Variants in ZBTB44 observed in about 807,000 individuals in gnomAD.
The protein encoded by ZBTB44 is zinc finger and BTB domain containing 44.
A neutral mutation model predicts 54.0 loss-of-function variants in ZBTB44; 15 were observed. That is an observed-to-expected ratio of 0.28 (90% CI 0.19 to 0.43). ZBTB44 has a LOEUF of 0.43. Among genes scored for constraint, ZBTB44 ranks in the 20% least tolerant of loss-of-function variants. The pLI is 1.00. For missense variants in ZBTB44, 487 were observed against 707.1 expected (o/e 0.69, Z 3.53); for synonymous variants, 230 against 250.1 (o/e 0.92, Z 0.76).
intron 1 of ZBTB44, among the ~76,000 whole-genome samples, chr11:130,275,987 G>A (rs1370792103): frequency 6.6e-6 from 1 of 151,002 alleles, no homozygotes; most frequent in Non-Finnish European, 1.5e-5. Flanking sequence ...AGCACTTTGG[G>A]AGGCCAAAGC....
intron 1 of ZBTB44, among the ~76,000 whole-genome samples, chr11:130,263,781 C>T (rs955036669): frequency 1.2e-4 from 18 of 152,130 alleles, no homozygotes. Context: ...AGGATTTTTG[C>T]TGAGAGTAAT....
At chr11:130,235,642 AC>A (rs1954075758) in intron 5 of ZBTB44, among the ~76,000 whole-genome samples, 3 of 152,196 alleles carry the variant, frequency 2.0e-5, no homozygotes, top group South Asian at 4.2e-4. Flanking sequence ...CCTGGGCAAC[AC>A]TGCAAGACCC....
chr11:130,250,724 A>G (rs1937929524), intron 2 of ZBTB44, among the ~76,000 whole-genome samples: 1 of 152,106 alleles, frequency 6.6e-6, no homozygotes, highest in Non-Finnish European at 1.5e-5. Flanking sequence ...AAAAGCAATA[A>G]CATCAACATC....
At chr11:130,307,945 C>T (rs1006936889) in intron 1 of ZBTB44, among the ~76,000 whole-genome samples, 19 of 152,172 alleles carry the variant, frequency 1.2e-4, no homozygotes, top group Non-Finnish European at 7.4e-5. Context: ...AGGCTGGTCT[C>T]GAGCTCCTGA....
intron 1 of ZBTB44, among the ~76,000 whole-genome samples, chr11:130,311,656 C>T (rs1190688730): frequency 6.6e-6 from 1 of 152,104 alleles, no homozygotes; most frequent in East Asian, 1.9e-4. Flanking sequence ...TTTCTTAGTT[C>T]TCTCCTCTCA....
chr11:130,260,736 C>T, intron 2 of ZBTB44, 120 bp downstream of exon 2: 1 of 1,157,984 alleles, frequency 8.6e-7, no homozygotes, highest in South Asian at 1.8e-5. Context: ...ATCCAGTTAC[C>T]ATGTTTTACT....
At chr11:130,295,977 C>A in intron 1 of ZBTB44, 1 of 1,544,200 alleles carries the variant, frequency 6.5e-7, no homozygotes, top group Non-Finnish European at 8.9e-7. Flanking sequence ...CCACACCAGG[C>A]CGTCTGCTGT....
intron 2 of ZBTB44, among the ~76,000 whole-genome samples, chr11:130,258,432 C>T (rs1203784373): frequency 6.6e-6 from 1 of 152,128 alleles, no homozygotes; most frequent in Non-Finnish European, 1.5e-5. Context: ...CTCTGTAAAA[C>T]CAAACTCACT....
At chr11:130,302,485 C>A (rs1196311149) in intron 1 of ZBTB44, among the ~76,000 whole-genome samples, 1 of 152,040 alleles carries the variant, frequency 6.6e-6, no homozygotes, top group Non-Finnish European at 1.5e-5. Context: ...GTGAAGTGCA[C>A]CAAAGACAAA....
Position 130,236,939 on chromosome 11 carries a change from C to T in ZBTB44, c.1422G>A (p.Met474Ile). ...FTSFGEYKHH[M>I]RVSRHIIRKP... ...TGCGGATAATGTGCCGGGAAACCCT[C>T]ATGTGGTGTTTATATTCCCCGAAGG... The change falls in exon 5 of 8, where the codon ATG (methionine) becomes ATA (isoleucine). Residue 474 changes from methionine (M) to isoleucine (I), a missense_variant. Coordinates refer to ENST00000357899, the MANE Select transcript of ZBTB44 (RefSeq NM_001301098.2). The T allele has an allele frequency of 6.2e-7, 1 of 1,611,752 alleles. No homozygotes were observed.
intron 1 of ZBTB44, chr11:130,296,030 A>G: frequency 2.5e-6 from 4 of 1,578,094 alleles, no homozygotes; most frequent in Non-Finnish European, 3.5e-6. Context: ...AAAAACCTGC[A>G]GTGTCTGGTT....
rs1953872871 is a variant in ZBTB44, at chr11:130,231,445, A to G, written c.*319T>C. 6.6e-6 allele frequency: 1 copy of G among 152,168 alleles called. No individual in the cohort carries two copies. The highest frequency in any genetic ancestry group is 2.1e-4 in the South Asian group (1 of 4,830). The allele number at this position is 152,168 out of a possible 1,614,324, so 9.4% of individuals were successfully genotyped here. A position where few individuals can be genotyped will look rare whatever the true frequency, so the allele number is the denominator to read the frequency against. ...TTCAGATTTCCCATAAAACTTGGCAATGTGTATTACCAGTGAAAATCTAAA... is the reference window on the plus strand; with the variant it reads ...TTCAGATTTCCCATAAAACTTGGCAGTGTGTATTACCAGTGAAAATCTAAA... On this transcript the variant is annotated 3_prime_UTR_variant, in exon 8 of 8. Coordinates refer to ENST00000357899, the MANE Select transcript of ZBTB44 (RefSeq NM_001301098.2).
Position 130,228,692 on chromosome 11 carries a change from G to A in ZBTB44, c.*3072C>T, listed in dbSNP as rs922764619. 1 of 152,102 alleles carries A rather than the reference G, an allele frequency of 6.6e-6. No homozygotes were observed. The highest frequency in any genetic ancestry group is 2.4e-5 in the African/African-American group (1 of 41,408). 9.4% of individuals were successfully genotyped at this position (152,102 alleles called of 1,614,324 possible). The stretch of plus-strand genomic sequence containing the variant: ...TTTGGTAACCTCAACATTCATTTAT[G>A]GGATGATTTTTCATCTGTTTTATTG... On this transcript the variant is annotated 3_prime_UTR_variant, in exon 8 of 8. Coordinates refer to ENST00000357899, the MANE Select transcript of ZBTB44 (RefSeq NM_001301098.2).
intron 2 of ZBTB44, among the ~76,000 whole-genome samples, chr11:130,243,097 T>C (rs1301159107): frequency 1.3e-5 from 2 of 152,268 alleles, no homozygotes; most frequent in Non-Finnish European, 2.9e-5. Context: ...TATGTCACTT[T>C]TTATAGTTTA....
chr11:130,293,353 A>G (rs1941417620), intron 1 of ZBTB44, among the ~76,000 whole-genome samples: 2 of 150,546 alleles, frequency 1.3e-5, no homozygotes, highest in African/African-American at 4.9e-5. Context: ...GTGCACCTGT[A>G]GTCCTGGCTA....
chr11:130,300,565 C>T (rs1023430564), intron 1 of ZBTB44, among the ~76,000 whole-genome samples: 1 of 152,028 alleles, frequency 6.6e-6, no homozygotes, highest in Non-Finnish European at 1.5e-5. Flanking sequence ...GGCGGGGTAT[C>T]AGAAGGGAAA....
In ZBTB44 at chr11:130,239,870, C is replaced by T. The variant is rs758544164; in HGVS notation, c.1045G>A (p.Gly349Ser). 6.2e-7 allele frequency: 1 copy of T among 1,611,704 alleles called. No individual in the cohort carries two copies. The highest frequency in any genetic ancestry group is 2.2e-5 in the East Asian group (1 of 44,848). ...IGSVDEGVSE[G>S]LPTLQSTSST... ...GACGTGCTTTGAAGTGTAGGCAAGC[C>T]CTCAGAAACGCCTTCATCTACTGAG... Residue 349 changes from glycine to serine, a missense_variant, in exon 3 of 8, where the codon GGC becomes AGC. Gly to Ser is a moderately conservative substitution (Grantham distance 56, BLOSUM62 0). Transcript: ENST00000357899.
chr11:130,265,981 C>G (rs1443201708), intron 1 of ZBTB44, among the ~76,000 whole-genome samples: 1 of 152,218 alleles, frequency 6.6e-6, no homozygotes, highest in Admixed American at 6.5e-5. Flanking sequence ...CTACACTAAA[C>G]AGCAGGTTTT....
In ZBTB44 at chr11:130,260,847, G is replaced by A. The variant is rs114252073; in HGVS notation, c.1018+9C>T. The A allele has an allele frequency of 4.8e-3, 7,706 of 1,595,678 alleles. 36 individuals carry two copies. The highest frequency in any genetic ancestry group is 0.021 in the African/African-American group (1,585 of 74,232). ...TATAGCACCAAGAAAAACACAGAAG[G>A]CATTATACCTATAGAGGAAGACTGT... On this transcript the variant is annotated intron_variant, in intron 2 of 7. Coordinates refer to ENST00000357899, the MANE Select transcript of ZBTB44 (RefSeq NM_001301098.2).
Sources: allele counts gnomAD v4.1 joint callset (sites outside exome capture counted in the v4.1 genomes callset), GRCh38; gene constraint gnomAD v4.1.1; transcripts MANE v1.5; gene names NCBI Gene and HGNC (gene_info 2026-07-23, HGNC 2026-07-21).